Variants in PRDM1 observed in about 807,000 individuals in gnomAD.
The protein encoded by PRDM1 is PR/SET domain 1.
PRDM1 carries 13 observed loss-of-function variants against 62.8 expected under a neutral mutation model. The observed-to-expected ratio is 0.21, with a 90% confidence interval of 0.13 to 0.33. The LOEUF (loss-of-function observed/expected upper bound fraction) is 0.33. Ranked by LOEUF, PRDM1 falls within the 10% of genes least tolerant of loss-of-function variation. The pLI is 1.00. For missense variants in PRDM1, 895 were observed against 1,058.8 expected, an observed-to-expected ratio of 0.85 and a Z score of 2.15; for synonymous variants, 396 against 417.6, an observed-to-expected ratio of 0.95 and a Z score of 0.63.
At chr6:106,089,377 T>G (rs1773901750) in intron 2 of PRDM1, among the ~76,000 whole-genome samples, 1 of 152,056 alleles carries the variant, frequency 6.6e-6, no homozygotes, top group African/African-American at 2.4e-5. Context: ...AAGGGGATGG[T>G]TGGCCGTAGA....
intron 3 of PRDM1, chr6:106,098,137 G>A (rs908279434): frequency 2.1e-6 from 2 of 938,162 alleles, no homozygotes; most frequent in African/African-American, 3.6e-5. Context: ...ATAACCTGCT[G>A]TCCGGTGAGC....
chr6:106,027,213 T>A (rs189472378), intron 1 of PRDM1, among the ~76,000 whole-genome samples: 26 of 152,352 alleles, frequency 1.7e-4, no homozygotes, highest in African/African-American at 4.1e-4. Context: ...CATTAATCGC[T>A]GCACTTGTGC....
rs2114601999 is a variant in PRDM1, at chr6:106,072,306, A to G, written c.-66-15895A>G. ...AATCTGGACATTGTTTTTTAGGGCT[A>G]TTTTGGGGTGTAATATGTAGGTCTT... On this transcript the variant is annotated intron_variant, in intron 1 of 6. Coordinates refer to the PRDM1 transcript ENST00000651185. 2 of 152,312 alleles carry G rather than the reference A, an allele frequency of 1.3e-5. 1 individual carries two copies. Among genetic ancestry groups the G allele is most frequent in the Middle Eastern group, 6.8e-3 (2 of 294 alleles). 9.4% of individuals were successfully genotyped at this position (152,312 alleles called of 1,614,324 possible).
upstream of PRDM1, among the ~76,000 whole-genome samples, chr6:106,084,071 C>A (rs1219399838): frequency 2.0e-5 from 3 of 152,086 alleles, no homozygotes; most frequent in African/African-American, 4.8e-5. Flanking sequence ...TTTATTTCTT[C>A]TTCCTTTTTG....
At chr6:105,999,056 G>A (rs1032555081) in intron 1 of PRDM1, among the ~76,000 whole-genome samples, 1 of 150,940 alleles carries the variant, frequency 6.6e-6, no homozygotes, top group Non-Finnish European at 1.5e-5. Context: ...TCCCACCTCA[G>A]CCTCCCAAGT....
intron 1 of PRDM1, among the ~76,000 whole-genome samples, chr6:106,038,994 A>T (rs1772957919): frequency 6.6e-6 from 1 of 152,220 alleles, no homozygotes; most frequent in African/African-American, 2.4e-5. Flanking sequence ...TATTTTTAGG[A>T]ATCTTATTTT....
intron 1 of PRDM1, chr6:106,087,618 C>G (rs984856442): frequency 8.6e-6 from 2 of 232,492 alleles, no homozygotes; most frequent in Non-Finnish European, 1.7e-5. Context: ...AAAGAGAGCT[C>G]GCAGCAGAGG....
At chr6:106,028,461 A>G (rs1054047538) in intron 1 of PRDM1, among the ~76,000 whole-genome samples, 1 of 152,232 alleles carries the variant, frequency 6.6e-6, no homozygotes, top group Non-Finnish European at 1.5e-5. Context: ...AATATCCAAT[A>G]ACAAGAGTTT....
rs778688132 is a variant in PRDM1 at position 106,105,800 on chromosome 6, T to C, written c.1640T>C (p.Met547Thr). 1 of 1,614,158 alleles carries C rather than the reference T, an allele frequency of 6.2e-7. No individual in the cohort carries two copies. The highest frequency in any genetic ancestry group is 8.5e-7 in the Non-Finnish European group (1 of 1,180,032). The change falls in exon 5 of 7, where the codon ATG (methionine) becomes ACG (threonine). Residue 547 changes from methionine to threonine, a missense_variant. Physicochemically the swap from Met to Thr is moderately conservative, Grantham distance 81. Around this residue, in one of 4 missense-constraint regions of PRDM1, gnomAD observed 74 missense variants for 172.4 expected, o/e 0.43. Coordinates refer to ENST00000369096, the MANE Select transcript of PRDM1 (RefSeq NM_001198.4). ...GCAGCCCCCAGCAGCGACGAAGCCA[T>C]GAATCTCATTAAAAACAAAAGAAAC... ...AMAAPSSDEA[M>T]NLIKNKRNMT... is the part of the protein sequence containing the mutation.
chr6:106,072,097 A>G (rs763002311), intron 1 of PRDM1: 4 of 152,154 alleles, frequency 2.6e-5, no homozygotes, highest in Admixed American at 6.5e-5. Flanking sequence ...AATGTGTTCC[A>G]TTTTCTGATG....
intron 1 of PRDM1, among the ~76,000 whole-genome samples, chr6:106,010,350 A>G (rs187139759): frequency 6.6e-6 from 1 of 152,364 alleles, no homozygotes; most frequent in Admixed American, 6.5e-5. Flanking sequence ...CAAATGCATA[A>G]TCATACATAT....
rs1219717284 is a variant in PRDM1, at chr6:105,994,052, G to A, written c.-67+413G>A. 1.3e-5 allele frequency among the ~76,000 whole-genome samples: 2 copies of A among 152,210 alleles called. No homozygotes were observed. The highest frequency in any genetic ancestry group is 2.1e-4 in the South Asian group (1 of 4,832). ...TATTTATTTGTACGCTAGTTGAAGT[G>A]GGGCAGGAGCACTGATTCCTGGACA... On this transcript the variant is annotated intron_variant, in intron 1 of 6. Transcript: ENST00000652320. The surrounding 1 kb of genome is among the most constrained non-coding windows in gnomAD (Gnocchi z 4.1).
chr6:106,047,736 CAAAG>C (rs1347342303), upstream of PRDM1, among the ~76,000 whole-genome samples: 1 of 152,188 alleles, frequency 6.6e-6, no homozygotes, highest in African/African-American at 2.4e-5. Context: ...TTTCTGGTGA[CAAAG>C]AGAGTAGGAA....
chr6:106,027,188 G>A (rs1055285653), intron 1 of PRDM1, among the ~76,000 whole-genome samples: 1 of 152,184 alleles, frequency 6.6e-6, no homozygotes, highest in East Asian at 1.9e-4. Context: ...GGGAAGTGCC[G>A]GGGGAGGGGC....
intron 1 of PRDM1, among the ~76,000 whole-genome samples, chr6:106,035,948 A>G (rs959211450): frequency 1.3e-5 from 2 of 152,062 alleles, no homozygotes; most frequent in East Asian, 3.8e-4. Context: ...AATTTTTTTA[A>G]ATAGAGACAG....
chr6:106,024,168 G>T (rs769593617), intron 1 of PRDM1, among the ~76,000 whole-genome samples: 1 of 151,974 alleles, frequency 6.6e-6, no homozygotes, highest in African/African-American at 2.4e-5. Flanking sequence ...CAGTGCCTAC[G>T]TGTTAATTTA....
intron 1 of PRDM1, among the ~76,000 whole-genome samples, chr6:106,080,424 A>G (rs189928163): frequency 6.6e-6 from 1 of 152,264 alleles, no homozygotes; most frequent in Admixed American, 6.5e-5. Context: ...CGCAGCCCCC[A>G]GCATCCTTCC....
intron 1 of PRDM1, among the ~76,000 whole-genome samples, chr6:106,059,314 AG>A (rs1197000359): frequency 6.6e-6 from 1 of 152,230 alleles, no homozygotes. Flanking sequence ...CTCTCTGAGG[AG>A]GTGGCATTTG....
chr6:105,992,740 C>T (rs944574560), upstream of PRDM1, among the ~76,000 whole-genome samples: 2 of 152,244 alleles, frequency 1.3e-5, no homozygotes, highest in Admixed American at 1.3e-4. Context: ...AAACAATGCA[C>T]CTCCCTCCAC....
Sources: allele counts gnomAD v4.1 joint callset (sites outside exome capture counted in the v4.1 genomes callset), GRCh38; gene constraint gnomAD v4.1.1; regional missense constraint gnomAD v4.1.1; non-coding constraint Gnocchi (gnomAD v3.1); transcripts MANE v1.5; gene names NCBI Gene and HGNC (gene_info 2026-07-23, HGNC 2026-07-21).